The following BMP6 variants were observed in gnomAD, a reference collection of about 807,000 sequenced individuals.
BMP6 encodes bone morphogenetic protein 6.
A neutral mutation model predicts 54.1 loss-of-function variants in BMP6; 17 were observed. The observed-to-expected ratio is 0.31, with a 90% CI of 0.22 to 0.47. The LOEUF is 0.47. Ranked by LOEUF, BMP6 falls within the 20% of genes least tolerant of loss-of-function variation. The probability of loss-of-function intolerance (pLI) is 1.00; values close to 1 mark genes in which losing one functional copy is unlikely to be tolerated. For missense variants in BMP6, 720 were observed against 690.4 expected (o/e 1.04, Z -0.48); for synonymous variants, 328 against 291.2 (o/e 1.13, Z -1.28).
Position 7,880,084 on chromosome 6 carries a change from G to A in BMP6, c.1375G>A (p.Ala459Thr). 2 of 1,614,140 alleles carry A rather than the reference G, an allele frequency of 1.2e-6. No homozygotes were observed. The highest frequency in any genetic ancestry group is 1.7e-6 in the Non-Finnish European group (2 of 1,180,020). ...LNAHMNATNH[A>T]IVQTLVHLMN... Reference sequence around the variant, plus strand: ...CGCACACATGAATGCAACCAACCACGCGATTGTGCAGACCTTGGTGAGCTC... The same window carrying A: ...CGCACACATGAATGCAACCAACCACACGATTGTGCAGACCTTGGTGAGCTC... The change falls in exon 6 of 7, where the codon GCG becomes ACG. Residue 459 changes from alanine (A) to threonine (T), a missense_variant. Physicochemically the swap from Ala to Thr is moderately conservative, Grantham distance 58. This residue lies in a region of BMP6 where 27 missense variants were observed against 80.1 expected (regional missense o/e 0.34). Coordinates refer to ENST00000283147, the MANE Select transcript of BMP6 (RefSeq NM_001718.6).
chr6:7,815,656 AT>A, intron 1 of BMP6, among the ~76,000 whole-genome samples: 1 of 152,358 alleles, frequency 6.6e-6, no homozygotes, highest in Non-Finnish European at 1.5e-5. Context: ...TGAATTACAA[AT>A]TCAAAAAGTT....
intron 2 of BMP6, among the ~76,000 whole-genome samples, chr6:7,856,418 AAGTC>A (rs1759233617): frequency 2.0e-5 from 3 of 151,998 alleles, no homozygotes; most frequent in African/African-American, 7.3e-5. Context: ...TTATTGCAGA[AAGTC>A]AGTTCCTCCA....
At chr6:7,833,416 GAGAC>G (rs1394508690) in intron 1 of BMP6, among the ~76,000 whole-genome samples, 1 of 152,214 alleles carries the variant, frequency 6.6e-6, no homozygotes, top group Non-Finnish European at 1.5e-5. Context: ...GACAGAGCTA[GAGAC>G]AGAGGGGCAG....
chr6:7,762,118 C>T (rs1757622488), intron 1 of BMP6, among the ~76,000 whole-genome samples: 1 of 152,100 alleles, frequency 6.6e-6, no homozygotes, highest in South Asian at 2.1e-4. Context: ...AATGGGGTTT[C>T]ACCATGGTGG....
intron 1 of BMP6, among the ~76,000 whole-genome samples, chr6:7,746,977 G>A (rs191404815): frequency 1.6e-3 from 246 of 152,288 alleles, no homozygotes; most frequent in Non-Finnish European, 5.9e-4. Context: ...ATCTCCTGGG[G>A]GTGGGGATTG....
intron 1 of BMP6, among the ~76,000 whole-genome samples, chr6:7,815,192 C>G (rs1468766177): frequency 6.6e-6 from 1 of 152,178 alleles, no homozygotes; most frequent in Non-Finnish European, 1.5e-5. Context: ...AGAGTCATTA[C>G]TCAAAATACC....
chr6:7,773,874 G>T (rs1757824382), intron 1 of BMP6, among the ~76,000 whole-genome samples: 1 of 152,150 alleles, frequency 6.6e-6, no homozygotes, highest in South Asian at 2.1e-4. Flanking sequence ...TCTTCTGAGT[G>T]AGCCTATTTT....
At chr6:7,782,995 G>T (rs1757970008) in intron 1 of BMP6, among the ~76,000 whole-genome samples, 1 of 152,136 alleles carries the variant, frequency 6.6e-6, no homozygotes, top group Admixed American at 6.5e-5. Context: ...AGATCCATTT[G>T]GTAGAGAGAT....
At chr6:7,771,793 C>CT (rs1757792643) in intron 1 of BMP6, among the ~76,000 whole-genome samples, 1 of 152,176 alleles carries the variant, frequency 6.6e-6, no homozygotes, top group African/African-American at 2.4e-5. Flanking sequence ...TGGCTCATGC[C>CT]TGTAATCCCA....
At chr6:7,805,512 G>T (rs1758334658) in intron 1 of BMP6, among the ~76,000 whole-genome samples, 1 of 152,174 alleles carries the variant, frequency 6.6e-6, no homozygotes, top group Non-Finnish European at 1.5e-5. Context: ...AGCCTGTCCT[G>T]CTGTCTTATT....
At chr6:7,788,253 G>T (rs999845009) in intron 1 of BMP6, among the ~76,000 whole-genome samples, 1 of 152,158 alleles carries the variant, frequency 6.6e-6, no homozygotes, top group Non-Finnish European at 1.5e-5. Context: ...AATTATTTGA[G>T]GGCATTAGTG....
intron 1 of BMP6, among the ~76,000 whole-genome samples, chr6:7,810,497 A>T (rs903762408): frequency 6.6e-6 from 1 of 152,146 alleles, no homozygotes; most frequent in Non-Finnish European, 1.5e-5. Flanking sequence ...TGCGTGCATT[A>T]AACTCTTACA....
At chr6:7,860,136 G>A (rs763957145) in intron 2 of BMP6, among the ~76,000 whole-genome samples, 3 of 152,134 alleles carry the variant, frequency 2.0e-5, no homozygotes, top group Non-Finnish European at 4.4e-5. Context: ...CACATATGAC[G>A]GTAGCCTTGT....
At chr6:7,844,824 C>G (rs1278363146) in intron 1 of BMP6, among the ~76,000 whole-genome samples, 2 of 152,188 alleles carry the variant, frequency 1.3e-5, no homozygotes, top group African/African-American at 4.8e-5. Context: ...ATACTCTTCC[C>G]ATTTTTGCAG....
intron 4 of BMP6, among the ~76,000 whole-genome samples, chr6:7,868,412 C>G (rs1249163579): frequency 6.6e-6 from 1 of 152,192 alleles, no homozygotes; most frequent in Non-Finnish European, 1.5e-5. Context: ...ACACAAGGAG[C>G]TGGCACCTGC....
chr6:7,866,146 T>A (rs1424861810), intron 4 of BMP6, among the ~76,000 whole-genome samples: 1 of 152,258 alleles, frequency 6.6e-6, no homozygotes, highest in Non-Finnish European at 1.5e-5. Flanking sequence ...CTTGCTTCTC[T>A]GCAGCTGGCT....
intron 1 of BMP6, among the ~76,000 whole-genome samples, chr6:7,789,433 C>A (rs1758063488): frequency 6.6e-6 from 1 of 152,124 alleles, no homozygotes; most frequent in East Asian, 1.9e-4. Context: ...TCCAAAGATA[C>A]TGTGAAAAAT....
chr6:7,791,986 TTGGATGGATGGATGGATGGATGGA>T lies in BMP6; in HGVS notation c.665-53129_665-53106del, dbSNP rs55687662. ...GTATCAGTCAGAGAAACAGGACCAA[TTGGATGGATGGATGGATGGATGGA>T]TGGATGGATGGATGGATGGATGGAA... is the stretch of plus-strand genomic sequence containing the variant. On this transcript the variant is annotated intron_variant, in intron 1 of 6. Coordinates refer to ENST00000283147, the MANE Select transcript of BMP6 (RefSeq NM_001718.6). Among the ~76,000 whole-genome samples, 326 of 150,428 alleles carry T rather than the reference TTGGATGGATGGATGGATGGATGGA, an allele frequency of 2.2e-3. 3 individuals carry two copies. The highest frequency in any genetic ancestry group is 6.5e-3 in the Admixed American group (98 of 15,078).
At chr6:7,879,191 CAGT>C in intron 5 of BMP6, 41 bp downstream of exon 5, 2 of 1,562,046 alleles carry the variant, frequency 1.3e-6, no homozygotes, top group Non-Finnish European at 1.8e-6. Context: ...CCTTTCTCAG[CAGT>C]TTACTCTCAT....
Sources: gnomAD v4.1 joint callset for allele counts (sites outside exome capture counted in the v4.1 genomes callset) on GRCh38, gnomAD v4.1.1 for gene constraint, gnomAD v4.1.1 regional missense constraint, MANE v1.5 for transcripts, NCBI Gene and HGNC (gene_info 2026-07-23, HGNC 2026-07-21) for gene names.